Variants in PISD observed in about 807,000 individuals in gnomAD.
PISD encodes phosphatidylserine decarboxylase, also known as phosphatidylserine decarboxylase proenzyme, mitochondrial.
Under a neutral mutation model 43.5 loss-of-function variants are expected in PISD, and 31 were observed. The observed-to-expected ratio is 0.71, with a 90% CI of 0.54 to 0.96. The LOEUF is 0.96. Ranked by LOEUF, PISD falls within the 40% of genes least tolerant of loss-of-function variation. PISD has a pLI of 0.00. For synonymous variants in PISD, 259 were observed against 228.7 expected, an observed-to-expected ratio of 1.13 and a Z score of -1.20; for missense variants, 523 against 548.4, an observed-to-expected ratio of 0.95 and a Z score of 0.46.
rs2073519871 is a variant in PISD at position 31,637,167 on chromosome 22, ATATATATATATATATATAT to A, written c.321+10915_321+10933del. ...TTAAAAAAAAAAAAAAAAAAAAAATATATATATATATATATATATATATATATATATATATATATAGAAA... is the reference window on the plus strand; with the variant it reads ...TTAAAAAAAAAAAAAAAAAAAAAATAATATATATATATATATATATAGAAA... On this transcript the variant is annotated intron_variant, in intron 3 of 7. Coordinates refer to ENST00000439502, the MANE Select transcript of PISD (RefSeq NM_001326411.2). Among the ~76,000 whole-genome samples the A allele has an allele frequency of 1.5e-3, 29 of 19,222 alleles. 1 individual carries two copies. Among genetic ancestry groups the A allele is most frequent in the African/African-American group, 9.7e-3 (28 of 2,876 alleles). 12.6% of individuals were successfully genotyped at this position (19,222 alleles called of 152,430 possible). A position where few individuals can be genotyped will look rare whatever the true frequency, so the allele number is the denominator to read the frequency against.
chr22:31,633,683 CCAGCCTGGGCGA>C (rs2073301738), intron 3 of PISD, among the ~76,000 whole-genome samples: 1 of 152,116 alleles, frequency 6.6e-6, no homozygotes, highest in South Asian at 2.1e-4. Context: ...CCATAGCACT[CCAGCCTGGGCGA>C]CAGAGCGAGA....
In PISD at chr22:31,621,318, C is replaced by G; in HGVS notation, c.697+16G>C. On this transcript the variant is annotated intron_variant, in intron 5 of 7. Coordinates refer to ENST00000439502, the MANE Select transcript of PISD (RefSeq NM_001326411.2). ...CAGCAGCAGGGCTGCCTAGCCCCGCCTGTGCAGTGACCCACCTGGTGGGAA... is the reference window on the plus strand; with the variant it reads ...CAGCAGCAGGGCTGCCTAGCCCCGCGTGTGCAGTGACCCACCTGGTGGGAA... 1 of 1,613,928 alleles carries G rather than the reference C, an allele frequency of 6.2e-7. No individual in the cohort carries two copies.
chr22:31,621,177 A>C (rs1228179020), intron 5 of PISD, 35 bp from the exon 6 acceptor site: 1 of 1,613,738 alleles, frequency 6.2e-7, no homozygotes, highest in East Asian at 2.2e-5. Context: ...GGCCACCAAC[A>C]CAGTGAGCAC....
chr22:31,629,108 C>A, intron 3 of PISD: 7 of 985,450 alleles, frequency 7.1e-6, no homozygotes, highest in Non-Finnish European at 8.4e-6. Flanking sequence ...CCTCACCAAC[C>A]AGGGTAAAGA....
chr22:31,647,625 A>G (rs9619217), intron 3 of PISD, among the ~76,000 whole-genome samples: 12,337 of 152,272 alleles, frequency 0.081, 561 homozygotes, highest in African/African-American at 0.14. Context: ...AAGATGTTTC[A>G]TTACGTATCG....
intron 1 of PISD, among the ~76,000 whole-genome samples, chr22:31,657,604 CCT>C (rs2074216146): frequency 1.3e-5 from 2 of 152,192 alleles, no homozygotes; most frequent in East Asian, 1.9e-4. Context: ...CTCACTGCAA[CCT>C]CTGACTCCCA....
At chr22:31,625,771 C>G (rs863223357) in intron 3 of PISD, 3 of 1,591,580 alleles carry the variant, frequency 1.9e-6, no homozygotes, top group Non-Finnish European at 2.6e-6. Flanking sequence ...ACCATTTCGC[C>G]GCGCGGAGCT....
intron 3 of PISD, chr22:31,629,344 T>C: frequency 2.7e-6 from 1 of 372,562 alleles, no homozygotes; most frequent in Non-Finnish European, 3.7e-6. Flanking sequence ...GTGTGGGGTG[T>C]GTAGGTGTGA....
chr22:31,642,496 T>TA (rs1038158976), intron 3 of PISD, among the ~76,000 whole-genome samples: 2 of 150,048 alleles, frequency 1.3e-5, no homozygotes, highest in African/African-American at 5.0e-5. Context: ...TGAATCAATT[T>TA]AAAAATACAG....
rs1165466870 is a variant in PISD, at chr22:31,618,534, A to G, written c.*1078T>C. 9.3e-7 allele frequency: 1 copy of G among 1,079,112 alleles called. No homozygotes were observed. Among genetic ancestry groups the G allele is most frequent in the African/African-American group, 1.6e-5 (1 of 62,510 alleles). 66.8% of individuals were successfully genotyped at this position (1,079,112 alleles called of 1,614,324 possible). On this transcript the variant is annotated 3_prime_UTR_variant, in exon 8 of 8. Coordinates refer to ENST00000439502, the MANE Select transcript of PISD (RefSeq NM_001326411.2). ...TTATTTCAAAATGCTTTGCAATTAA[A>G]TGAATTACTGTTCAGAAGTCTCCCA...
chr22:31,633,446 T>C (rs1283298936), intron 3 of PISD, among the ~76,000 whole-genome samples: 1 of 152,170 alleles, frequency 6.6e-6, no homozygotes, highest in Non-Finnish European at 1.5e-5. Flanking sequence ...CCAGGCGCGG[T>C]GGCTCATGCC....
intron 3 of PISD, among the ~76,000 whole-genome samples, chr22:31,642,752 G>A (rs1269099046): frequency 2.1e-5 from 3 of 145,438 alleles, no homozygotes; most frequent in African/African-American, 2.7e-5. Context: ...CGAAGATCAC[G>A]CCACTGGACT....
Position 31,648,106 on chromosome 22 carries a change from A to C in PISD, c.316T>G (p.Trp106Gly). ...LEIPPKLAGH[W>G]EVALYKSVPT... ...CAGTTCCACCTCATTCCTACCTCCC[A>C]GTGACCAGCAAGTTTGGGTGGAATC... The change falls in exon 3 of 8, where the codon TGG becomes GGG. Residue 106 changes from tryptophan (W) to glycine (G), a missense_variant. Transcript: ENST00000439502. The C allele has an allele frequency of 6.2e-7, 1 of 1,610,946 alleles. No individual in the cohort carries two copies. Among genetic ancestry groups the C allele is most frequent in the South Asian group, 1.1e-5 (1 of 90,944 alleles).
intron 3 of PISD, among the ~76,000 whole-genome samples, chr22:31,624,203 A>C (rs534710995): frequency 1.1e-4 from 16 of 152,320 alleles, no homozygotes; most frequent in Non-Finnish European, 2.2e-4. Flanking sequence ...TCCAGGCCCA[A>C]GCACCTGGGC....
intron 3 of PISD, among the ~76,000 whole-genome samples, chr22:31,643,876 G>A (rs997571970): frequency 5.3e-5 from 8 of 152,040 alleles, no homozygotes; most frequent in Admixed American, 3.9e-4. Context: ...GTGAAACCCC[G>A]TCTCTACTAA....
At chr22:31,622,680 TTC>T (rs1373351729) in intron 3 of PISD, among the ~76,000 whole-genome samples, 1 of 152,214 alleles carries the variant, frequency 6.6e-6, no homozygotes, top group African/African-American at 2.4e-5. Context: ...GGCCCCTCTG[TTC>T]TCTCTTCCTT....
intron 1 of PISD, among the ~76,000 whole-genome samples, chr22:31,652,006 T>C (rs2074039921): frequency 6.6e-6 from 1 of 152,178 alleles, no homozygotes; most frequent in African/African-American, 2.4e-5. Context: ...AACATTTTTT[T>C]CCTTGGAACC....
intron 1 of PISD, among the ~76,000 whole-genome samples, chr22:31,658,483 A>G (rs2074236788): frequency 6.6e-6 from 1 of 152,184 alleles, no homozygotes; most frequent in African/African-American, 2.4e-5. Flanking sequence ...GGTCATATCA[A>G]TCATCTATGA....
Position 31,621,339 on chromosome 22 carries a change from G to A in PISD, c.692C>T (p.Pro231Leu). Residue 231 changes from proline to leucine, a missense_variant, in exon 5 of 8, where the codon CCA becomes CTA. Pro to Leu is a moderately conservative substitution (Grantham distance 98). Coordinates refer to ENST00000439502, the MANE Select transcript of PISD (RefSeq NM_001326411.2). Reference sequence around the variant, plus strand: ...CCGCCTGTGCAGTGACCCACCTGGTGGGAAGGGCAGGTCCTCTGTGCACAT... The same window carrying A: ...CCGCCTGTGCAGTGACCCACCTGGTAGGAAGGGCAGGTCCTCTGTGCACAT... ...PRMCTEDLPF[P>L]PAASCDSFKN... 2.5e-6 allele frequency: 4 copies of A among 1,614,052 alleles called. No homozygotes were observed. The highest frequency in any genetic ancestry group is 3.4e-6 in the Non-Finnish European group (4 of 1,180,002).
Sources: gnomAD v4.1 joint callset for allele counts (sites outside exome capture counted in the v4.1 genomes callset) on GRCh38, gnomAD v4.1.1 for gene constraint, MANE v1.5 for transcripts, NCBI Gene and HGNC (gene_info 2026-07-23, HGNC 2026-07-21) for gene names.